Variants in SLC15A2 observed in about 807,000 individuals in gnomAD.
The protein encoded by SLC15A2 is kidney H(+)/peptide cotransporter.
SLC15A2 carries 77 observed loss-of-function variants against 95.5 expected under a neutral mutation model. That is an observed-to-expected ratio of 0.81 (90% CI 0.67 to 0.97). SLC15A2 has a LOEUF of 0.97. Ranked by LOEUF, SLC15A2 falls within the 50% of genes least tolerant of loss-of-function variation. The pLI is 0.00. For synonymous variants in SLC15A2, 306 were observed against 306.9 expected (o/e 1.00, Z 0.03); for missense variants, 893 against 874.4 (o/e 1.02, Z -0.27).
At chr3:121,907,062 T>G (rs1310245833) in intron 3 of SLC15A2, among the ~76,000 whole-genome samples, 1 of 152,244 alleles carries the variant, frequency 6.6e-6, no homozygotes, top group African/African-American at 2.4e-5. Context: ...TTTACTCTTT[T>G]TTCTCTAAAC....
rs150406541 is a variant in SLC15A2 at position 121,940,749 on chromosome 3, C to G, written c.2014-82C>G. ...GTTAAACTGGTGATCCCAGGTCAGT[C>G]TGCTCCCCACTCCTCATCCTGTAAA... On this transcript the variant is annotated intron_variant, in intron 21 of 21. Coordinates refer to ENST00000489711, the MANE Select transcript of SLC15A2 (RefSeq NM_021082.4). 2.8e-4 allele frequency: 396 copies of G among 1,438,050 alleles called. 1 individual carries two copies. In the African/African-American group the frequency reaches 5.2e-3, roughly 19 times the overall value. The allele number at this position is 1,438,050 out of a possible 1,614,324, so 89.1% of individuals were successfully genotyped here.
chr3:121,898,531 T>A (rs1281979023), intron 3 of SLC15A2, among the ~76,000 whole-genome samples: 1 of 152,172 alleles, frequency 6.6e-6, no homozygotes, highest in African/African-American at 2.4e-5. Flanking sequence ...ATCCATAGAT[T>A]TGTCTAAATG....
chr3:121,940,327 T>G, intron 20 of SLC15A2, 57 bp from the exon 21 acceptor site: 1 of 1,314,568 alleles, frequency 7.6e-7, no homozygotes. Context: ...CCTGGATGCA[T>G]GGGGCATGAG....
rs140485413 is a variant in SLC15A2, at chr3:121,905,475, C to T, written c.336-6099C>T. ...ATTTTAGATCTTTTCTGCTTTCTCT[C>T]GTGGGCATTTAGTGCTATAAGTTTC... On this transcript the variant is annotated intron_variant, in intron 3 of 21. Coordinates refer to ENST00000489711, the MANE Select transcript of SLC15A2 (RefSeq NM_021082.4). Among the ~76,000 whole-genome samples, 322 of 152,216 alleles carry T rather than the reference C, an allele frequency of 2.1e-3. 1 individual carries two copies. The highest frequency in any genetic ancestry group is 7.3e-3 in the African/African-American group (304 of 41,534).
rs60293317 is a variant in SLC15A2 at position 121,916,688 on chromosome 3, A to G, written c.697+995A>G. Among the ~76,000 whole-genome samples the G allele has an allele frequency of 5.3e-3, 810 of 152,318 alleles. 7 individuals are homozygous for G. The highest frequency in any genetic ancestry group is 0.018 in the African/African-American group (732 of 41,560). ...ATTATGAAGATAAAACAGAGATGCTATAAATGAAATGTTTCATAAATTATG... is the reference window on the plus strand; with the variant it reads ...ATTATGAAGATAAAACAGAGATGCTGTAAATGAAATGTTTCATAAATTATG... On this transcript the variant is annotated intron_variant, in intron 7 of 21. Coordinates refer to ENST00000489711, the MANE Select transcript of SLC15A2 (RefSeq NM_021082.4).
intron 19 of SLC15A2, among the ~76,000 whole-genome samples, chr3:121,938,879 T>C (rs572210737): frequency 6.6e-6 from 1 of 152,346 alleles, no homozygotes; most frequent in African/African-American, 2.4e-5. Context: ...ATCTTGTTCA[T>C]TTTCTTCAAT....
chr3:121,909,534 T>C lies in SLC15A2; in HGVS notation c.336-2040T>C, dbSNP rs541457264. Among the ~76,000 whole-genome samples, 15 of 152,356 alleles carry C rather than the reference T, an allele frequency of 9.8e-5. No homozygotes were observed. The South Asian group carries it at 2.9e-3, about 29-fold the overall frequency. ...CAGAATTTTCAGGTCTCTTGACTTC[T>C]TGCTCCTCCTATTAGTTTCCTGCCA... On this transcript the variant is annotated intron_variant, in intron 3 of 21. Coordinates refer to ENST00000489711, the MANE Select transcript of SLC15A2 (RefSeq NM_021082.4).
In SLC15A2 at chr3:121,943,118, TAGC is replaced by T. The variant is rs1710490136; in HGVS notation, c.*2112_*2114del. Reference sequence around the variant, plus strand: ...GTGTCTCTACTAAAAGTACAAAAATTAGCCAGGTGTGATGGCAGGTGCCTGTAA... The same window carrying T: ...GTGTCTCTACTAAAAGTACAAAAATTCAGGTGTGATGGCAGGTGCCTGTAA... On this transcript the variant is annotated 3_prime_UTR_variant, in exon 22 of 22. Transcript: ENST00000489711. The T allele has an allele frequency of 6.6e-6, 1 of 151,950 alleles. No homozygotes were observed. The highest frequency in any genetic ancestry group is 2.1e-4 in the South Asian group (1 of 4,812). 9.4% of individuals were successfully genotyped at this position (151,950 alleles called of 1,614,324 possible).
At chr3:121,935,055 C>A (rs1236421563) in intron 19 of SLC15A2, among the ~76,000 whole-genome samples, 3 of 152,140 alleles carry the variant, frequency 2.0e-5, no homozygotes, top group African/African-American at 7.2e-5. Context: ...TGTTTATATG[C>A]TGGATTACAT....
chr3:121,896,540 C>T, intron 2 of SLC15A2, 47 bp downstream of exon 2: 3 of 1,417,418 alleles, frequency 2.1e-6, no homozygotes, highest in Non-Finnish European at 3.0e-6. Flanking sequence ...CACCCACCCT[C>T]ACCCCATGTT....
At chr3:121,905,195 A>G (rs1709609888) in intron 3 of SLC15A2, among the ~76,000 whole-genome samples, 1 of 152,048 alleles carries the variant, frequency 6.6e-6, no homozygotes, top group Admixed American at 6.5e-5. Flanking sequence ...CGGTGGTGAT[A>G]TCCCCTTTAT....
At chr3:121,915,518 A>G in intron 6 of SLC15A2, 98 bp from the exon 7 acceptor site, 1 of 965,412 alleles carries the variant, frequency 1.0e-6, no homozygotes, top group Non-Finnish European at 1.7e-6. Context: ...TGTCTATTCT[A>G]CAAGCTCAGG....
intron 13 of SLC15A2, among the ~76,000 whole-genome samples, chr3:121,926,329 C>A (rs1434367669): frequency 6.6e-6 from 1 of 151,990 alleles, no homozygotes; most frequent in Non-Finnish European, 1.5e-5. Flanking sequence ...TAGTGCTATC[C>A]CGTTGGTGCT....
rs962491722 is a variant in SLC15A2 at position 121,928,636 on chromosome 3, A to T, written c.1341+81A>T. ...TTTCCTTAACATTAATTGTATCATA[A>T]GCATCTTCCCATGTCTTTAGATAAT... On this transcript the variant is annotated intron_variant, in intron 15 of 21. Coordinates refer to ENST00000489711, the MANE Select transcript of SLC15A2 (RefSeq NM_021082.4). 15 of 1,443,462 alleles carry T rather than the reference A, an allele frequency of 1.0e-5. No homozygotes were observed. In the Admixed American group the frequency reaches 1.2e-4, roughly 12 times the overall value. The allele number at this position is 1,443,462 out of a possible 1,614,324, so 89.4% of individuals were successfully genotyped here.
chr3:121,920,753 A>G (rs9828753), intron 7 of SLC15A2, among the ~76,000 whole-genome samples: 67,630 of 151,856 alleles, frequency 0.45, 15,567 homozygotes, highest in East Asian at 0.69. Context: ...AAAGTGGTAG[A>G]GTGAATCTAA....
Position 121,931,712 on chromosome 3 carries a change from G to C in SLC15A2, c.1738G>C (p.Ala580Pro). ...LNLGLLDFGA[A>P]YLFVITNNTN... ...TTTGGGTCTTCTAGACTTTGGTGCAGCATATCTGTTTGTTATTACTAATGT... is the reference window on the plus strand; with the variant it reads ...TTTGGGTCTTCTAGACTTTGGTGCACCATATCTGTTTGTTATTACTAATGT... Residue 580 changes from alanine (A) to proline (P), a missense_variant, in exon 19 of 22, where the codon GCA (alanine) becomes CCA (proline). Coordinates refer to ENST00000489711, the MANE Select transcript of SLC15A2 (RefSeq NM_021082.4). 1 of 1,611,598 alleles carries C rather than the reference G, an allele frequency of 6.2e-7. No homozygotes were observed. Among genetic ancestry groups the C allele is most frequent in the Non-Finnish European group, 8.5e-7 (1 of 1,177,834 alleles).
intron 7 of SLC15A2, 82 bp from the exon 8 acceptor site, chr3:121,922,138 A>C (rs1256750000): frequency 7.0e-6 from 8 of 1,148,812 alleles, no homozygotes; most frequent in Non-Finnish European, 7.7e-6. Context: ...TTTGCCATTG[A>C]AAGTAATGGC....
intron 2 of SLC15A2, among the ~76,000 whole-genome samples, chr3:121,896,760 G>A (rs1709421155): frequency 1.3e-5 from 2 of 151,880 alleles, no homozygotes; most frequent in South Asian, 4.2e-4. Context: ...ATGATGGCAT[G>A]TGCCTGTAGT....
At chr3:121,900,657 C>T (rs1296454973) in intron 3 of SLC15A2, among the ~76,000 whole-genome samples, 1 of 152,018 alleles carries the variant, frequency 6.6e-6, no homozygotes, top group Non-Finnish European at 1.5e-5. Flanking sequence ...ATCTCTTTTT[C>T]ATGTCTGTTT....
Sources: gnomAD v4.1 joint callset for allele counts (sites outside exome capture counted in the v4.1 genomes callset) on GRCh38, gnomAD v4.1.1 for gene constraint, MANE v1.5 for transcripts, NCBI Gene and HGNC (gene_info 2026-07-23, HGNC 2026-07-21) for gene names.